Variants in ESRRG observed in about 807,000 individuals in gnomAD.
ESRRG encodes estrogen-related receptor gamma.
A neutral mutation model predicts 44.0 loss-of-function variants in ESRRG; 13 were observed. That is an observed-to-expected ratio of 0.30 (90% confidence interval 0.19 to 0.47). ESRRG has a LOEUF of 0.47. Ranked by LOEUF, ESRRG falls within the 20% of genes least tolerant of loss-of-function variation. The pLI, the probability that ESRRG is intolerant of heterozygous loss-of-function variation, is 1.00. For missense variants in ESRRG, 395 were observed against 580.6 expected (o/e 0.68, Z 3.29); for synonymous variants, 215 against 214.6 (o/e 1.00, Z -0.02).
chr1:216,826,855 T>C (rs1223607203), intron 2 of ESRRG, among the ~76,000 whole-genome samples: 3 of 152,206 alleles, frequency 2.0e-5, no homozygotes, highest in African/African-American at 7.2e-5. Context: ...ACTTTGGTTA[T>C]AGAAGGGCTT....
intron 2 of ESRRG, among the ~76,000 whole-genome samples, chr1:216,737,510 A>G (rs1422523536): frequency 6.6e-6 from 1 of 152,192 alleles, no homozygotes; most frequent in Non-Finnish European, 1.5e-5. Context: ...CTTTGGCATC[A>G]GGAGTTTTGA....
intron 1 of ESRRG, among the ~76,000 whole-genome samples, chr1:217,132,774 G>A (rs1232164218): frequency 6.6e-6 from 1 of 152,040 alleles, no homozygotes; most frequent in Non-Finnish European, 1.5e-5. Context: ...CGTTTTGGGG[G>A]TTACAGGTCA....
intron 3 of ESRRG, among the ~76,000 whole-genome samples, chr1:216,589,001 A>T (rs150335516): frequency 0.012 from 1,875 of 152,340 alleles, 41 homozygotes; most frequent in African/African-American, 0.043. Flanking sequence ...GCAAATGCCA[A>T]AACTCAGATT....
chr1:217,134,581 G>A (rs527673815), intron 1 of ESRRG, among the ~76,000 whole-genome samples: 50 of 152,328 alleles, frequency 3.3e-4, no homozygotes, highest in Middle Eastern at 3.4e-3. Flanking sequence ...ACCCCCAAAA[G>A]TGTACCTCAG....
chr1:216,650,717 T>C (rs180819209), intron 3 of ESRRG, among the ~76,000 whole-genome samples: 1 of 152,122 alleles, frequency 6.6e-6, no homozygotes, highest in East Asian at 1.9e-4. Context: ...GTAAAGAAGA[T>C]AAAAGCACTA....
chr1:216,701,599 A>G (rs1013825776), intron 1 of ESRRG: 1 of 152,258 alleles, frequency 6.6e-6, no homozygotes, highest in African/African-American at 2.4e-5. Context: ...ATCCCAAAAC[A>G]AAAGATCACC....
chr1:216,673,480 G>A (rs1258646037), intron 2 of ESRRG, among the ~76,000 whole-genome samples: 4 of 152,212 alleles, frequency 2.6e-5, no homozygotes, highest in African/African-American at 9.6e-5. Flanking sequence ...AATCTGGACA[G>A]TGACATCTCT....
intron 3 of ESRRG, among the ~76,000 whole-genome samples, chr1:216,589,436 ATTC>A (rs1180182852): frequency 3.9e-5 from 6 of 152,148 alleles, no homozygotes; most frequent in African/African-American, 9.7e-5. Context: ...GTCCAAGACA[ATTC>A]TTCTTCTGAT....
chr1:216,896,758 C>T (rs1377881588), intron 2 of ESRRG, among the ~76,000 whole-genome samples: 1 of 152,036 alleles, frequency 6.6e-6, no homozygotes, highest in Non-Finnish European at 1.5e-5. Flanking sequence ...TAAATTACAC[C>T]CAGTTAAAAG....
Position 216,762,471 on chromosome 1 carries a change from C to T in ESRRG, c.-13-84980G>A, listed in dbSNP as rs563119355. 2.8e-4 allele frequency among the ~76,000 whole-genome samples: 42 copies of T among 150,564 alleles called. 3 individuals carry two copies. In the South Asian group the frequency reaches 7.4e-3, roughly 26 times the overall value. On this transcript the variant is annotated intron_variant, in intron 2 of 7. Transcript: ENST00000359162. Reference sequence around the variant, plus strand: ...ATCACAAGAACAAAAAACCAAACACCGCATATTCTCACTCATAGGTGGGAA... The same window carrying T: ...ATCACAAGAACAAAAAACCAAACACTGCATATTCTCACTCATAGGTGGGAA...
chr1:216,522,719 A>G (rs1169450407), intron 5 of ESRRG, among the ~76,000 whole-genome samples: 1 of 84,154 alleles, frequency 1.2e-5, no homozygotes, highest in Non-Finnish European at 3.1e-5. Flanking sequence ...CATGGATAAA[A>G]TAACATTTTT....
upstream of ESRRG, among the ~76,000 whole-genome samples, chr1:216,725,439 A>G (rs1318451162): frequency 2.9e-5 from 4 of 139,470 alleles, no homozygotes; most frequent in South Asian, 2.5e-4. Context: ...AGACACTGAG[A>G]GAAAAAAAAA....
intron 3 of ESRRG, among the ~76,000 whole-genome samples, chr1:216,572,472 G>T (rs910014847): frequency 2.6e-5 from 4 of 151,854 alleles, no homozygotes; most frequent in African/African-American, 9.7e-5. Flanking sequence ...ATTCAATAAT[G>T]TTATTTTAAA....
chr1:216,673,699 A>G (rs17627111), intron 2 of ESRRG, among the ~76,000 whole-genome samples: 49,759 of 152,114 alleles, frequency 0.33, 8,632 homozygotes, highest in Middle Eastern at 0.42. Flanking sequence ...TTAATGTCTA[A>G]CCTATAAAAT....
intron 2 of ESRRG, among the ~76,000 whole-genome samples, chr1:216,789,537 A>G (rs1265402073): frequency 6.6e-6 from 1 of 152,162 alleles, no homozygotes. Context: ...GTAAATGAAA[A>G]AATTGGTGTG....
chr1:217,064,629 A>T (rs2089295066), intron 1 of ESRRG, among the ~76,000 whole-genome samples: 1 of 152,198 alleles, frequency 6.6e-6, no homozygotes, highest in South Asian at 2.1e-4. Flanking sequence ...AGATTGAGAA[A>T]AGCGTGCAGC....
At chr1:216,759,687 TAGGC>T (rs2092664141) in intron 2 of ESRRG, among the ~76,000 whole-genome samples, 1 of 152,088 alleles carries the variant, frequency 6.6e-6, no homozygotes, top group Non-Finnish European at 1.5e-5. Context: ...AAGCACTAGG[TAGGC>T]ACCAGGTATA....
At chr1:217,090,636 G>C (rs916194161), upstream of ESRRG, 1 of 152,166 alleles carries the variant, frequency 6.6e-6, no homozygotes, top group African/African-American at 2.4e-5. Flanking sequence ...AAGAAAGAGC[G>C]AGAGACAAAT....
chr1:216,702,314 G>A (rs554960252), intron 1 of ESRRG, among the ~76,000 whole-genome samples: 21 of 152,160 alleles, frequency 1.4e-4, no homozygotes, highest in African/African-American at 4.8e-4. Context: ...ATCTATAAGA[G>A]GCCAAAAAGA....
Sources: allele counts gnomAD v4.1 joint callset (sites outside exome capture counted in the v4.1 genomes callset), GRCh38; gene constraint gnomAD v4.1.1; transcripts MANE v1.5; gene names NCBI Gene and HGNC (gene_info 2026-07-23, HGNC 2026-07-21).